The following STON1 variants were observed in gnomAD, a reference collection of about 807,000 sequenced individuals.
STON1 encodes stonin-1.
A neutral mutation model predicts 60.9 loss-of-function variants in STON1; 79 were observed. That is an observed-to-expected ratio of 1.30 (90% CI 1.08 to 1.56). The LOEUF (loss-of-function observed/expected upper bound fraction) is 1.56, where lower values mean the gene tolerates loss of function less well. Ranked by LOEUF, STON1 falls within the 40% of genes most tolerant of loss-of-function variation. The pLI is 0.00. For synonymous variants in STON1, 363 were observed against 306.9 expected (o/e 1.18, Z -1.91); for missense variants, 1,166 against 858.9 (o/e 1.36, Z -4.47).
At chr2:48,557,150 C>G (rs1282748561) in intron 1 of STON1, among the ~76,000 whole-genome samples, 1 of 99,632 alleles carries the variant, frequency 1.0e-5, no homozygotes, top group East Asian at 3.6e-4. Flanking sequence ...GGGTGGCTGC[C>G]GGGCGGAGAC....
intron 1 of STON1, among the ~76,000 whole-genome samples, chr2:48,570,215 A>C (rs1344616624): frequency 6.6e-6 from 1 of 152,164 alleles, no homozygotes; most frequent in East Asian, 1.9e-4. Flanking sequence ...CACATCTGTA[A>C]TCTCAGCTAC....
chr2:48,537,566 T>C (rs1452411134), intron 1 of STON1, among the ~76,000 whole-genome samples: 2 of 152,172 alleles, frequency 1.3e-5, no homozygotes, highest in Admixed American at 6.5e-5. Flanking sequence ...AATATTGGTC[T>C]GGCTGGGTGT....
intron 1 of STON1, among the ~76,000 whole-genome samples, chr2:48,566,102 T>C (rs1672929298): frequency 6.6e-6 from 1 of 152,230 alleles, no homozygotes; most frequent in Non-Finnish European, 1.5e-5. Context: ...TAATTGGTAA[T>C]AACTATTGCA....
chr2:48,579,619 T>C (rs1001763802), intron 1 of STON1, among the ~76,000 whole-genome samples: 2 of 152,220 alleles, frequency 1.3e-5, no homozygotes, highest in African/African-American at 4.8e-5. Flanking sequence ...TTGTTAAGAT[T>C]TGTTTTGTAA....
chr2:48,583,671 A>G (rs1211399493), intron 2 of STON1, among the ~76,000 whole-genome samples: 1 of 150,856 alleles, frequency 6.6e-6, no homozygotes, highest in Non-Finnish European at 1.5e-5. Flanking sequence ...CTGGAGTTAA[A>G]TTGGAGGTGG....
chr2:48,580,246 G>C (rs1411996773), intron 1 of STON1, among the ~76,000 whole-genome samples: 5 of 152,074 alleles, frequency 3.3e-5, no homozygotes, highest in Non-Finnish European at 7.4e-5. Context: ...TCTTCCTAGT[G>C]AATTGACTCT....
intron 1 of STON1, among the ~76,000 whole-genome samples, chr2:48,542,366 AGCTTT>A (rs1384714709): frequency 6.6e-6 from 1 of 152,214 alleles, no homozygotes; most frequent in East Asian, 1.9e-4. Flanking sequence ...TTTGAATCTA[AGCTTT>A]GCCACTAATT....
At chr2:48,533,766 A>G (rs1303700343) in intron 1 of STON1, among the ~76,000 whole-genome samples, 1 of 91,668 alleles carries the variant, frequency 1.1e-5, no homozygotes, top group Non-Finnish European at 2.0e-5. Flanking sequence ...ATTACACAGG[A>G]CTTTTTTTTT....
intron 1 of STON1, among the ~76,000 whole-genome samples, chr2:48,547,161 C>T (rs1671893526): frequency 6.6e-6 from 1 of 152,168 alleles, no homozygotes; most frequent in Non-Finnish European, 1.5e-5. Context: ...TATGTTACTC[C>T]AAATGAATCA....
At chr2:48,569,130 A>T (rs1012986735) in intron 1 of STON1, 2 of 152,222 alleles carry the variant, frequency 1.3e-5, no homozygotes, top group African/African-American at 4.8e-5. Flanking sequence ...TTTTCTACCA[A>T]ATAATGATAA....
chr2:48,582,524 G>A lies in STON1; in HGVS notation c.1891G>A (p.Val631Met). Residue 631 changes from valine to methionine, a missense_variant, in exon 2 of 4, where the codon GTG (valine) becomes ATG (methionine). Physicochemically the swap from Val to Met is conservative, Grantham distance 21 (BLOSUM62 1). Transcript: ENST00000404752. ...SAKYESAYQA[V>M]VWKIDRLPDK... ...AAAATATGAGAGTGCCTACCAGGCA[G>A]TGGTATGGAAGATAGATCGGCTTCC... 1 of 1,614,054 alleles carries A rather than the reference G, an allele frequency of 6.2e-7. No homozygotes were observed. The highest frequency in any genetic ancestry group is 1.3e-5 in the African/African-American group (1 of 75,050).
chr2:48,573,458 C>G (rs982720912), intron 1 of STON1, among the ~76,000 whole-genome samples: 3 of 152,192 alleles, frequency 2.0e-5, no homozygotes, highest in Non-Finnish European at 2.9e-5. Context: ...TGGAAAGGAC[C>G]ACAGAGCTCA....
chr2:48,564,553 TTC>T (rs1672825965), intron 1 of STON1, among the ~76,000 whole-genome samples: 3 of 52,832 alleles, frequency 5.7e-5, no homozygotes, highest in Non-Finnish European at 1.2e-4. Context: ...CTTCTTCTTC[TTC>T]TTCTTCTTCT....
chr2:48,574,659 G>T (rs1673377831), intron 1 of STON1, among the ~76,000 whole-genome samples: 1 of 152,168 alleles, frequency 6.6e-6, no homozygotes, highest in Non-Finnish European at 1.5e-5. Flanking sequence ...TGATAAACGA[G>T]ATTGTGAATT....
At chr2:48,574,858 TGTG>T (rs537651569) in intron 1 of STON1, among the ~76,000 whole-genome samples, 86 of 152,350 alleles carry the variant, frequency 5.6e-4, no homozygotes, top group African/African-American at 2.0e-3. Flanking sequence ...TTTATTCAAT[TGTG>T]GTAAATGAAA....
chr2:48,583,523 A>T (rs1205144278), intron 2 of STON1, among the ~76,000 whole-genome samples: 6 of 152,294 alleles, frequency 3.9e-5, no homozygotes, highest in Admixed American at 6.5e-5. Flanking sequence ...TTTATTTTGG[A>T]GTAGTAAGTA....
At chr2:48,530,640 G>C (rs1303623995) in intron 1 of STON1, 1 of 152,782 alleles carries the variant, frequency 6.5e-6, no homozygotes, top group Non-Finnish European at 1.5e-5. Context: ...TCTCTCTCCC[G>C]CTCCCGGACT....
Position 48,581,362 on chromosome 2 carries a change from C to T in STON1, c.729C>T (p.Asp243=). 6.4e-7 allele frequency: 1 copy of T among 1,565,794 alleles called. No homozygotes were observed. Among genetic ancestry groups the T allele is most frequent in the Non-Finnish European group, 8.6e-7 (1 of 1,157,148 alleles). Residue 243 remains aspartate, a synonymous_variant, in exon 2 of 4, where the codon GAC becomes GAT. Transcript: ENST00000404752. ...LEHLQSAENQ[D]SLRSLSMHCL... Reference sequence around the variant, plus strand: ...ATCTCCAGTCAGCTGAGAACCAAGACTCACTTAGAAGTTTGTCTATGCACT... The same window carrying T: ...ATCTCCAGTCAGCTGAGAACCAAGATTCACTTAGAAGTTTGTCTATGCACT...
At chr2:48,589,382 C>A (rs560055890) in intron 2 of STON1, among the ~76,000 whole-genome samples, 1 of 152,166 alleles carries the variant, frequency 6.6e-6, no homozygotes, top group African/African-American at 2.4e-5. Flanking sequence ...GTCAGCACTG[C>A]GACAACACGA....
Sources: allele counts gnomAD v4.1 joint callset (sites outside exome capture counted in the v4.1 genomes callset), GRCh38; gene constraint gnomAD v4.1.1; transcripts MANE v1.5; gene names NCBI Gene and HGNC (gene_info 2026-07-23, HGNC 2026-07-21).